TMEM117: variants seen among roughly 807,000 people sequenced by gnomAD.
The protein encoded by TMEM117 is transmembrane protein 117.
In TMEM117, 27 loss-of-function variants were observed where a neutral mutation model predicts 52.4. That is an observed-to-expected ratio of 0.51 (90% CI 0.38 to 0.71). The LOEUF (loss-of-function observed/expected upper bound fraction) is 0.71, where lower values mean the gene tolerates loss of function less well. Among genes scored for constraint, TMEM117 ranks in the 30% least tolerant of loss-of-function variants. TMEM117 has a pLI of 0.00. For missense variants in TMEM117, 556 were observed against 630.5 expected, an observed-to-expected ratio of 0.88 and a Z score of 1.26; for synonymous variants, 215 against 206.3, an observed-to-expected ratio of 1.04 and a Z score of -0.36.
chr12:43,920,059 G>A (rs1230538312), intron 2 of TMEM117, among the ~76,000 whole-genome samples: 1 of 151,974 alleles, frequency 6.6e-6, no homozygotes, highest in Non-Finnish European at 1.5e-5. Flanking sequence ...CATGTCAATA[G>A]TTAATCTCTG....
intron 5 of TMEM117, among the ~76,000 whole-genome samples, chr12:44,285,959 T>C (rs981307546): frequency 6.6e-6 from 1 of 152,224 alleles, no homozygotes; most frequent in Non-Finnish European, 1.5e-5. Context: ...TTAAATTCCA[T>C]TGTCATGCCA....
At chr12:44,167,581 C>T (rs941588805) in intron 4 of TMEM117, among the ~76,000 whole-genome samples, 5 of 151,874 alleles carry the variant, frequency 3.3e-5, no homozygotes, top group South Asian at 2.1e-4. Context: ...GCAGGAGCAT[C>T]GCTTGAACCC....
At chr12:44,159,499 T>C (rs1470812710) in intron 4 of TMEM117, among the ~76,000 whole-genome samples, 1 of 152,178 alleles carries the variant, frequency 6.6e-6, no homozygotes, top group East Asian at 1.9e-4. Flanking sequence ...GCTGTGCTTT[T>C]GAAAGCTTAC....
At chr12:43,811,540 A>C in the TMEM117 span, among the ~76,000 whole-genome samples, 1 of 152,242 alleles carries the variant, frequency 6.6e-6, no homozygotes, top group Non-Finnish European at 1.5e-5. Context: ...ACTAGCAGCC[A>C]AATATATTTT....
At chr12:44,326,110 C>T (rs1951191654) in intron 6 of TMEM117, among the ~76,000 whole-genome samples, 1 of 152,052 alleles carries the variant, frequency 6.6e-6, no homozygotes, top group African/African-American at 2.4e-5. Context: ...TTGCAGTGAG[C>T]CAAAATCCTG....
intron 3 of TMEM117, among the ~76,000 whole-genome samples, chr12:43,991,012 A>G (rs182555833): frequency 2.1e-4 from 32 of 152,330 alleles, no homozygotes; most frequent in African/African-American, 7.7e-4. Context: ...TTTTCAGGGA[A>G]ATATGTGTGA....
At chr12:43,833,736 C>A (rs1291165498), upstream of TMEM117, among the ~76,000 whole-genome samples, 6 of 151,920 alleles carry the variant, frequency 3.9e-5, no homozygotes, top group African/African-American at 1.5e-4. Context: ...TTGCAATGAG[C>A]TGTGATTGCA....
intron 3 of TMEM117, among the ~76,000 whole-genome samples, chr12:44,114,181 G>A (rs1258215036): frequency 2.6e-5 from 4 of 151,914 alleles, no homozygotes; most frequent in Non-Finnish European, 4.4e-5. Context: ...CGTCGCTCAC[G>A]CTGGGAGCTG....
intron 2 of TMEM117, among the ~76,000 whole-genome samples, chr12:43,904,449 A>AT (rs1944352471): frequency 6.6e-6 from 1 of 152,110 alleles, no homozygotes. Flanking sequence ...ATCTATTTAA[A>AT]TTTTAATGTC....
At chr12:44,334,681 A>G (rs142070907) in intron 6 of TMEM117, among the ~76,000 whole-genome samples, 4 of 151,974 alleles carry the variant, frequency 2.6e-5, no homozygotes, top group Non-Finnish European at 5.9e-5. Context: ...GAACCTTGCA[A>G]CTCTTTACTT....
chr12:43,826,947 G>A, the TMEM117 span, among the ~76,000 whole-genome samples: 1 of 151,984 alleles, frequency 6.6e-6, no homozygotes, highest in Non-Finnish European at 1.5e-5. Flanking sequence ...GGTTGACGAT[G>A]CAATGACCAA....
At chr12:43,928,369 T>C (rs1487340587) in intron 2 of TMEM117, among the ~76,000 whole-genome samples, 3 of 152,064 alleles carry the variant, frequency 2.0e-5, no homozygotes, top group Non-Finnish European at 4.4e-5. Context: ...GCCTCAGATA[T>C]GTCTTCTGAG....
chr12:44,137,328 C>A (rs1030307424), intron 3 of TMEM117, among the ~76,000 whole-genome samples: 2 of 151,832 alleles, frequency 1.3e-5, no homozygotes, highest in Non-Finnish European at 2.9e-5. Context: ...CAGGGATTGG[C>A]ATGGGACAAT....
Position 44,352,312 on chromosome 12 carries a change from A to G in TMEM117, c.769-24283A>G, listed in dbSNP as rs1424335122. Reference sequence around the variant, plus strand: ...TTTTGTTTTTTTAAATTTTATTATTATACTGTAATTTTAGGGTACATGTGC... The same window carrying G: ...TTTTGTTTTTTTAAATTTTATTATTGTACTGTAATTTTAGGGTACATGTGC... On this transcript the variant is annotated intron_variant, in intron 6 of 7. Transcript: ENST00000266534. 2.0e-5 allele frequency among the ~76,000 whole-genome samples: 3 copies of G among 151,908 alleles called. No individual in the cohort carries two copies. In the East Asian group the frequency reaches 5.8e-4, roughly 29 times the overall value.
Position 44,240,516 on chromosome 12 carries a change from T to C in TMEM117, c.608+29129T>C, listed in dbSNP as rs142444191. ...GGTGGTCTTTGCTATCCTCTCCTTA[T>C]CTCCCAGTTACCCACGACTTCTTCC... is the stretch of plus-strand genomic sequence containing the variant. On this transcript the variant is annotated intron_variant, in intron 5 of 7. Coordinates refer to ENST00000266534, the MANE Select transcript of TMEM117 (RefSeq NM_032256.3). Among the ~76,000 whole-genome samples, 746 of 152,220 alleles carry C rather than the reference T, an allele frequency of 4.9e-3. 7 individuals carry two copies. Among genetic ancestry groups the C allele is most frequent in the African/African-American group, 0.017 (716 of 41,564 alleles).
intron 5 of TMEM117, among the ~76,000 whole-genome samples, chr12:44,220,674 C>G (rs1375887556): frequency 6.6e-6 from 1 of 152,138 alleles, no homozygotes; most frequent in East Asian, 1.9e-4. Flanking sequence ...GATTCTAAAT[C>G]TGGGGTAGAG....
chr12:44,171,785 G>C (rs1325722444), intron 4 of TMEM117, among the ~76,000 whole-genome samples: 1 of 152,082 alleles, frequency 6.6e-6, no homozygotes, highest in East Asian at 1.9e-4. Flanking sequence ...ACTGGGAGAG[G>C]GGACGGTAAC....
intron 2 of TMEM117, among the ~76,000 whole-genome samples, chr12:43,850,505 G>A (rs567222285): frequency 1.8e-4 from 28 of 151,986 alleles, no homozygotes; most frequent in Non-Finnish European, 2.8e-4. Context: ...GTTTTTTTGC[G>A]TATGTGCTCT....
intron 3 of TMEM117, among the ~76,000 whole-genome samples, chr12:44,040,175 T>G (rs1051173072): frequency 1.3e-5 from 2 of 152,124 alleles, no homozygotes; most frequent in African/African-American, 2.4e-5. Flanking sequence ...CATTATATAG[T>G]ATTCCCACTA....
Sources: gnomAD v4.1 joint callset for allele counts (sites outside exome capture counted in the v4.1 genomes callset) on GRCh38, gnomAD v4.1.1 for gene constraint, MANE v1.5 for transcripts, NCBI Gene and HGNC (gene_info 2026-07-23, HGNC 2026-07-21) for gene names.